The following DNAJC3 variants were observed in gnomAD, a reference collection of about 807,000 sequenced individuals.
DNAJC3 encodes the protein DnaJ heat shock protein family (Hsp40) member C3.
A neutral mutation model predicts 68.6 loss-of-function variants in DNAJC3; 38 were observed. That is an observed-to-expected ratio of 0.55 (90% CI 0.43 to 0.73). The LOEUF is 0.73. Among genes scored for constraint, DNAJC3 ranks in the 30% least tolerant of loss-of-function variants. DNAJC3 has a pLI of 0.00. For missense variants in DNAJC3, 526 were observed against 591.9 expected (o/e 0.89, Z 1.16); for synonymous variants, 203 against 204.0 (o/e 1.00, Z 0.04).
chr13:95,719,502 G>A (rs1881253087), intron 2 of DNAJC3, among the ~76,000 whole-genome samples: 1 of 152,140 alleles, frequency 6.6e-6, no homozygotes, highest in African/African-American at 2.4e-5. Context: ...CACCTGGTAG[G>A]TTCCCCTGGC....
At chr13:95,764,725 T>C (rs192083207) in intron 9 of DNAJC3, among the ~76,000 whole-genome samples, 2 of 137,094 alleles carry the variant, frequency 1.5e-5, no homozygotes, top group African/African-American at 2.9e-5. Flanking sequence ...TATACACATA[T>C]ATATATATAC....
chr13:95,753,157 G>A (rs1013089274), intron 4 of DNAJC3, among the ~76,000 whole-genome samples: 5 of 151,838 alleles, frequency 3.3e-5, no homozygotes, highest in Non-Finnish European at 7.4e-5. Flanking sequence ...TGTTCTTTCC[G>A]TATGGTTGTA....
At chr13:95,769,926 T>A (rs1883113740) in intron 9 of DNAJC3, among the ~76,000 whole-genome samples, 1 of 152,124 alleles carries the variant, frequency 6.6e-6, no homozygotes. Context: ...TAGGAAACAG[T>A]TACAATAGTC....
chr13:95,702,532 G>A (rs1164604333), intron 1 of DNAJC3, among the ~76,000 whole-genome samples: 1 of 152,136 alleles, frequency 6.6e-6, no homozygotes, highest in Non-Finnish European at 1.5e-5. Flanking sequence ...TTAAGGAGAA[G>A]GTGATTAGAT....
At chr13:95,722,916 A>G (rs1881381679) in intron 2 of DNAJC3, among the ~76,000 whole-genome samples, 1 of 145,988 alleles carries the variant, frequency 6.8e-6, no homozygotes, top group African/African-American at 2.5e-5. Context: ...AAAGGGCTAG[A>G]CAAGTAGTTT....
At position 95,794,337 on chromosome 13, in the gene DNAJC3, C is replaced by T. The variant is rs1332581390; in HGVS notation, c.*3307C>T. 1 of 152,138 alleles carries T rather than the reference C, an allele frequency of 6.6e-6. No individual in the cohort carries two copies. Among genetic ancestry groups the T allele is most frequent in the Non-Finnish European group, 1.5e-5 (1 of 68,012 alleles). The allele number at this position is 152,138 out of a possible 1,614,324, so 9.4% of individuals were successfully genotyped here. ...GTCTTTGACATTTACCATGAAAAAA[C>T]TACATAAAATGGCTCCCTGGTGAGG... On this transcript the variant is annotated 3_prime_UTR_variant, in exon 12 of 12. Coordinates refer to ENST00000602402, the MANE Select transcript of DNAJC3 (RefSeq NM_006260.5).
intron 4 of DNAJC3, among the ~76,000 whole-genome samples, chr13:95,748,359 C>T (rs945467003): frequency 1.3e-5 from 2 of 152,178 alleles, no homozygotes; most frequent in Admixed American, 6.5e-5. Flanking sequence ...ATTTGATAAA[C>T]TCTCCTTTGG....
intron 1 of DNAJC3, among the ~76,000 whole-genome samples, chr13:95,702,147 T>TA (rs1880601890): frequency 6.6e-6 from 1 of 152,220 alleles, no homozygotes; most frequent in Non-Finnish European, 1.5e-5. Context: ...GTCCATATTT[T>TA]AAGTGTGTAT....
chr13:95,736,989 G>T (rs1366448376), intron 4 of DNAJC3, among the ~76,000 whole-genome samples: 4 of 151,568 alleles, frequency 2.6e-5, no homozygotes, highest in South Asian at 2.1e-4. Flanking sequence ...TTTTGAAATA[G>T]GTCCCATCAA....
At chr13:95,726,254 A>T (rs1257680208) in intron 4 of DNAJC3, among the ~76,000 whole-genome samples, 1 of 152,154 alleles carries the variant, frequency 6.6e-6, no homozygotes, top group Non-Finnish European at 1.5e-5. Flanking sequence ...CACCACACTG[A>T]CTTCCACAAT....
chr13:95,766,993 C>G (rs1414047061), intron 9 of DNAJC3, among the ~76,000 whole-genome samples: 1 of 152,154 alleles, frequency 6.6e-6, no homozygotes, highest in Non-Finnish European at 1.5e-5. Context: ...AGCCACCACG[C>G]CTGGCCAGTT....
At chr13:95,686,208 G>C (rs775223655) in intron 1 of DNAJC3, among the ~76,000 whole-genome samples, 14 of 152,022 alleles carry the variant, frequency 9.2e-5, no homozygotes, top group South Asian at 2.1e-4. Context: ...TGAGCCACCC[G>C]CCTTGGCCTC....
chr13:95,736,926 T>G lies in DNAJC3; in HGVS notation c.393+11674T>G, dbSNP rs1202037430. Among the ~76,000 whole-genome samples, 12 of 150,320 alleles carry G rather than the reference T, an allele frequency of 8.0e-5. No homozygotes were observed. The East Asian group carries it at 2.3e-3, about 29-fold the overall frequency. On this transcript the variant is annotated intron_variant, in intron 4 of 11. Transcript: ENST00000602402. ...TTTTCAAAGGGAATGCTTCCAGTTTTTGCCCATTCAGTATGATATTGGCTG... is the reference window on the plus strand; with the variant it reads ...TTTTCAAAGGGAATGCTTCCAGTTTGTGCCCATTCAGTATGATATTGGCTG...
chr13:95,681,491 C>A lies in DNAJC3; in HGVS notation c.82+4154C>A, dbSNP rs559393821. On this transcript the variant is annotated intron_variant, in intron 1 of 11. Coordinates refer to ENST00000602402, the MANE Select transcript of DNAJC3 (RefSeq NM_006260.5). Reference sequence around the variant, plus strand: ...TCAGCCTCCTGAATAGCTGGGACCACAGGTATGCACCACTGCATCCCCTAC... The same window carrying A: ...TCAGCCTCCTGAATAGCTGGGACCAAAGGTATGCACCACTGCATCCCCTAC... Among the ~76,000 whole-genome samples, 4 of 152,270 alleles carry A rather than the reference C, an allele frequency of 2.6e-5. No homozygotes were observed. The South Asian group carries it at 8.3e-4, about 32-fold the overall frequency.
rs375448655 is a variant in DNAJC3, at chr13:95,770,428, C to G, written c.1075+6475C>G. On this transcript the variant is annotated intron_variant, in intron 9 of 11. Transcript: ENST00000602402. Reference sequence around the variant, plus strand: ...CAATATTTAAAATCTCATAATTCAACAGAACTGCAATTATTTTCTTTGTAT... The same window carrying G: ...CAATATTTAAAATCTCATAATTCAAGAGAACTGCAATTATTTTCTTTGTAT... Among the ~76,000 whole-genome samples the G allele has an allele frequency of 1.2e-4, 18 of 152,286 alleles. No homozygotes were observed. In the East Asian group the frequency reaches 3.1e-3, roughly 26 times the overall value.
At position 95,677,323 on chromosome 13, in the gene DNAJC3, A is replaced by G. The variant is rs1236469514; in HGVS notation, c.68A>G (p.Asp23Gly). 1 of 1,598,750 alleles carries G rather than the reference A, an allele frequency of 6.3e-7. No individual in the cohort carries two copies. The highest frequency in any genetic ancestry group is 2.3e-5 in the East Asian group (1 of 42,770). Reference sequence around the variant, plus strand: ...TTCCCCTTCCTGCTAGTCCTGGTGGATCTGCAGTACGAAGGTGAGTCCTGC... The same window carrying G: ...TTCCCCTTCCTGCTAGTCCTGGTGGGTCTGCAGTACGAAGGTGAGTCCTGC... ...SVFPFLLVLV[D>G]LQYEGAECGV... The change falls in exon 1 of 12, where the codon GAT becomes GGT. Residue 23 changes from aspartate (D) to glycine (G), a missense_variant. Coordinates refer to ENST00000602402, the MANE Select transcript of DNAJC3 (RefSeq NM_006260.5).
At chr13:95,733,804 G>A (rs991430171) in intron 4 of DNAJC3, among the ~76,000 whole-genome samples, 10 of 148,552 alleles carry the variant, frequency 6.7e-5, no homozygotes, top group African/African-American at 1.7e-4. Flanking sequence ...TTCCATTTGC[G>A]TGGAATGTCT....
chr13:95,748,008 T>G (rs556090426), intron 4 of DNAJC3, among the ~76,000 whole-genome samples: 1 of 152,340 alleles, frequency 6.6e-6, no homozygotes, highest in South Asian at 2.1e-4. Context: ...ATGTAATAAT[T>G]TGTAATCTGT....
chr13:95,785,908 TAAC>T (rs758817271), intron 9 of DNAJC3, 28 bp from the exon 10 acceptor site: 4 of 1,539,838 alleles, frequency 2.6e-6, no homozygotes, highest in Non-Finnish European at 3.5e-6. Context: ...TAATTTGCCT[TAAC>T]AATATTATCT....
Sources: gnomAD v4.1 joint callset for allele counts (sites outside exome capture counted in the v4.1 genomes callset) on GRCh38, gnomAD v4.1.1 for gene constraint, MANE v1.5 for transcripts, NCBI Gene and HGNC (gene_info 2026-07-23, HGNC 2026-07-21) for gene names.